The following PEX5L variants were observed in gnomAD, a reference collection of about 807,000 sequenced individuals.
PEX5L encodes the protein PEX5-related protein.
Under a neutral mutation model 84.0 loss-of-function variants are expected in PEX5L, and 30 were observed. The observed-to-expected ratio is 0.36, with a 90% CI of 0.27 to 0.48. PEX5L has a LOEUF of 0.48. Among genes scored for constraint, PEX5L ranks in the 20% least tolerant of loss-of-function variants. The pLI is 0.99. For missense variants in PEX5L, 533 were observed against 754.6 expected (o/e 0.71, Z 3.44); for synonymous variants, 270 against 283.1 (o/e 0.95, Z 0.46).
At chr3:179,881,211 T>A (rs2108786371) in intron 4 of PEX5L, 1 of 152,536 alleles carries the variant, frequency 6.6e-6, no homozygotes, top group African/African-American at 2.4e-5. Context: ...GTCTCAATAC[T>A]CTTCTGTCTG....
At chr3:179,828,869 A>G (rs2109085113) in intron 8 of PEX5L, among the ~76,000 whole-genome samples, 1 of 152,328 alleles carries the variant, frequency 6.6e-6, no homozygotes, top group East Asian at 1.9e-4. Flanking sequence ...ATCTCCAATT[A>G]GCCAGCAGGT....
chr3:179,986,644 C>T lies in PEX5L; in HGVS notation c.22-14979G>A, dbSNP rs144874194. Among the ~76,000 whole-genome samples, 700 of 152,112 alleles carry T rather than the reference C, an allele frequency of 4.6e-3. 4 individuals carry two copies. Among genetic ancestry groups the T allele is most frequent in the African/African-American group, 0.016 (667 of 41,500 alleles). On this transcript the variant is annotated intron_variant, in intron 1 of 14. Transcript: ENST00000467460. ...GTCTCTATCTCCTGACCTCGTGATC[C>T]GCCCGTCTTGGCCTCCCAAAGTGCT...
chr3:180,005,728 C>CA (rs10691437), intron 1 of PEX5L, among the ~76,000 whole-genome samples: 54,153 of 144,462 alleles, frequency 0.37, 12,513 homozygotes, highest in African/African-American at 0.68. Context: ...GACTCTGTCT[C>CA]AAAAAAAAAA....
chr3:179,924,503 A>G (rs527588817), intron 2 of PEX5L, among the ~76,000 whole-genome samples: 7 of 152,330 alleles, frequency 4.6e-5, no homozygotes, highest in Admixed American at 4.6e-4. Flanking sequence ...ACCACGGCAA[A>G]CACTCACGGT....
intron 2 of PEX5L, chr3:179,921,478 T>C (rs1769368916): frequency 1.3e-5 from 2 of 152,218 alleles, no homozygotes; most frequent in African/African-American, 4.8e-5. Flanking sequence ...TGTATTCTGT[T>C]CAATTATTTG....
At position 179,818,183 on chromosome 3, in the gene PEX5L, C is replaced by A. The variant is rs1726892198; in HGVS notation, c.939+1677G>T. 3.3e-5 allele frequency among the ~76,000 whole-genome samples: 5 copies of A among 152,102 alleles called. No homozygotes were observed. In the South Asian group the frequency reaches 1.0e-3, roughly 32 times the overall value. ...ATTAGCAAAATATCATGAATGCTAT[C>A]CAGAACTGAATATTACTGAGACTTC... On this transcript the variant is annotated intron_variant, in intron 9 of 14. Coordinates refer to ENST00000467460, the MANE Select transcript of PEX5L (RefSeq NM_016559.3).
In PEX5L at chr3:179,801,998, A is replaced by G; in HGVS notation, c.1711T>C (p.Leu571=). The change falls in exon 15 of 15, where the codon TTG becomes CTG. Residue 571 remains leucine, a synonymous_variant. Transcript: ENST00000467460. The part of the protein sequence containing the change: ...AVSNFLTALS[L]QRKSRNQQQV... ...TGCTGATTCCTGCTCTTTCTTTGCAAACTGAGGGCAGTGAGAAAATTGCTG... is the reference window on the plus strand; with the variant it reads ...TGCTGATTCCTGCTCTTTCTTTGCAGACTGAGGGCAGTGAGAAAATTGCTG... The G allele has an allele frequency of 3.1e-6, 5 of 1,613,926 alleles. No individual in the cohort carries two copies. Among genetic ancestry groups the G allele is most frequent in the Non-Finnish European group, 4.2e-6 (5 of 1,179,882 alleles).
chr3:179,841,035 T>C (rs980897907), intron 8 of PEX5L, among the ~76,000 whole-genome samples: 4 of 151,716 alleles, frequency 2.6e-5, no homozygotes, highest in African/African-American at 9.7e-5. Context: ...AAAAAGTAGA[T>C]GGAAAAGAGA....
At chr3:179,885,401 C>T (rs1338117222) in intron 4 of PEX5L, among the ~76,000 whole-genome samples, 1 of 152,124 alleles carries the variant, frequency 6.6e-6, no homozygotes, top group African/African-American at 2.4e-5. Context: ...AATTCCAGCA[C>T]CTTGGGAGGC....
At chr3:180,016,357 A>C (rs946715539) in intron 1 of PEX5L, among the ~76,000 whole-genome samples, 2 of 152,162 alleles carry the variant, frequency 1.3e-5, no homozygotes, top group African/African-American at 2.4e-5. Flanking sequence ...TTATATATCT[A>C]TCTCTCTATA....
At chr3:179,886,921 T>C (rs1348894812) in intron 4 of PEX5L, among the ~76,000 whole-genome samples, 1 of 152,254 alleles carries the variant, frequency 6.6e-6, no homozygotes, top group Non-Finnish European at 1.5e-5. Context: ...CTTTGTTCTT[T>C]GATTCTGAAC....
intron 2 of PEX5L, among the ~76,000 whole-genome samples, chr3:179,931,195 G>A (rs1273591818): frequency 6.6e-6 from 1 of 152,192 alleles, no homozygotes; most frequent in African/African-American, 2.4e-5. Context: ...TTGTGTTCAA[G>A]ATAGAAGGCT....
In PEX5L at chr3:180,036,682, G is replaced by T; in HGVS notation, c.-83C>A. On this transcript the variant is annotated 5_prime_UTR_variant, in exon 1 of 15. Coordinates refer to ENST00000467460, the MANE Select transcript of PEX5L (RefSeq NM_016559.3). Reference sequence around the variant, plus strand: ...ACTTGCCCACCAAAAGAGGGGAAAAGGTGGGTGCACAGCGGGTTCTCAGAG... The same window carrying T: ...ACTTGCCCACCAAAAGAGGGGAAAATGTGGGTGCACAGCGGGTTCTCAGAG... 6.6e-7 allele frequency: 1 copy of T among 1,505,978 alleles called. No individual in the cohort carries two copies. 93.3% of individuals were successfully genotyped at this position (1,505,978 alleles called of 1,614,324 possible). A position where few individuals can be genotyped will look rare whatever the true frequency, so the allele number is the denominator to read the frequency against.
intron 1 of PEX5L, among the ~76,000 whole-genome samples, chr3:180,015,806 A>T (rs1561066786): frequency 1.3e-5 from 2 of 150,516 alleles, no homozygotes; most frequent in South Asian, 2.1e-4. Context: ...TTTGAAACTA[A>T]TTTTCTTGAC....
chr3:179,831,806 C>T (rs185290481), intron 8 of PEX5L, among the ~76,000 whole-genome samples: 8 of 152,168 alleles, frequency 5.3e-5, no homozygotes, highest in Admixed American at 5.2e-4. Flanking sequence ...TATGTAAAAG[C>T]TAGGAGAAGG....
chr3:180,020,321 C>T (rs963359248), intron 1 of PEX5L, among the ~76,000 whole-genome samples: 4 of 151,790 alleles, frequency 2.6e-5, no homozygotes, highest in African/African-American at 7.3e-5. Context: ...CTAATTTTAT[C>T]GTAAAGTTAG....
At chr3:179,879,207 T>C (rs1753405523) in intron 5 of PEX5L, among the ~76,000 whole-genome samples, 2 of 152,226 alleles carry the variant, frequency 1.3e-5, no homozygotes, top group Admixed American at 6.5e-5. Flanking sequence ...CTGTTCTTTC[T>C]CTTGAGAAAG....
chr3:179,846,031 A>G (rs955795320), intron 8 of PEX5L, among the ~76,000 whole-genome samples: 5 of 152,134 alleles, frequency 3.3e-5, no homozygotes, highest in African/African-American at 1.2e-4. Context: ...TTAGCCGGCC[A>G]TGGTGGTGCG....
chr3:179,808,231 C>G, intron 13 of PEX5L, 41 bp downstream of exon 13: 1 of 1,488,232 alleles, frequency 6.7e-7, no homozygotes, highest in Non-Finnish European at 9.0e-7. Flanking sequence ...TTATTTGTTA[C>G]AGAGAACGCT....
Sources: allele counts gnomAD v4.1 joint callset (sites outside exome capture counted in the v4.1 genomes callset), GRCh38; gene constraint gnomAD v4.1.1; transcripts MANE v1.5; gene names NCBI Gene and HGNC (gene_info 2026-07-23, HGNC 2026-07-21).